ENTREP2: variants seen among roughly 807,000 people sequenced by gnomAD.
ENTREP2 encodes endosomal transmembrane epsin interactor 2, also known as protein ENTREP2.
At chr15:29,452,607 C>T in the ENTREP2 span, 1 of 147,922 alleles carries the variant, frequency 6.8e-6, no homozygotes, top group Non-Finnish European at 1.5e-5. Flanking sequence ...TTAAGAAGAA[C>T]AGACGGGAAT....
At chr15:29,223,226 G>T in the ENTREP2 span, among the ~76,000 whole-genome samples, 1 of 152,158 alleles carries the variant, frequency 6.6e-6, no homozygotes, top group Non-Finnish European at 1.5e-5. Flanking sequence ...TTAAAAAATC[G>T]CAATTCTTAG....
the ENTREP2 span, among the ~76,000 whole-genome samples, chr15:29,168,701 A>G: frequency 3.9e-5 from 6 of 152,196 alleles, no homozygotes; most frequent in Non-Finnish European, 8.8e-5. Flanking sequence ...AAAAATGTCG[A>G]TGGATTTTGG....
the ENTREP2 span, among the ~76,000 whole-genome samples, chr15:29,247,402 C>A: frequency 1.3e-5 from 2 of 152,074 alleles, no homozygotes; most frequent in Admixed American, 6.6e-5. Flanking sequence ...ACATTTAAAA[C>A]CAGGCAAGAA....
At chr15:29,463,146 C>A in the ENTREP2 span, among the ~76,000 whole-genome samples, 1 of 152,070 alleles carries the variant, frequency 6.6e-6, no homozygotes, top group Non-Finnish European at 1.5e-5. Context: ...GATTCCCCTG[C>A]AGAACTTAGG....
the ENTREP2 span, among the ~76,000 whole-genome samples, chr15:29,478,348 C>G: frequency 1.1e-3 from 163 of 151,980 alleles, no homozygotes; most frequent in African/African-American, 3.6e-3. Context: ...TTTCTTCAAC[C>G]CAATACATTA....
At chr15:29,392,834 C>A in the ENTREP2 span, among the ~76,000 whole-genome samples, 1 of 152,148 alleles carries the variant, frequency 6.6e-6, no homozygotes, top group African/African-American at 2.4e-5. Context: ...CTTAGTTTTT[C>A]TTCCACATAT....
the ENTREP2 span, among the ~76,000 whole-genome samples, chr15:29,531,521 G>C: frequency 2.0e-5 from 3 of 152,274 alleles, no homozygotes; most frequent in East Asian, 5.8e-4. Context: ...CAACCATGGG[G>C]ACGGAAGGCA....
the ENTREP2 span, chr15:29,268,747 T>G: frequency 4.5e-5 from 69 of 1,548,446 alleles, no homozygotes; most frequent in Non-Finnish European, 5.8e-5. Flanking sequence ...ACTGTGCCTT[T>G]GGGTCTCAGA....
the ENTREP2 span, chr15:29,234,410 T>A: frequency 6.5e-7 from 1 of 1,529,786 alleles, no homozygotes; most frequent in Non-Finnish European, 9.1e-7. Context: ...AGCAATAAAA[T>A]GGGCAACCAT....
At chr15:29,381,418 T>C in the ENTREP2 span, among the ~76,000 whole-genome samples, 34 of 132,212 alleles carry the variant, frequency 2.6e-4, no homozygotes, top group African/African-American at 9.4e-4. Context: ...ATCATGCCAT[T>C]GCACTCCAGG....
chr15:29,252,165 C>T, the ENTREP2 span, among the ~76,000 whole-genome samples: 1 of 152,114 alleles, frequency 6.6e-6, no homozygotes, highest in South Asian at 2.1e-4. Flanking sequence ...TTTAATTGTT[C>T]TACTTATAAA....
the ENTREP2 span, among the ~76,000 whole-genome samples, chr15:29,226,267 CT>C: frequency 6.6e-6 from 1 of 152,126 alleles, no homozygotes; most frequent in Non-Finnish European, 1.5e-5. Context: ...GGAATGTTTA[CT>C]TTGCTAGGAA....
chr15:29,367,159 A>G, the ENTREP2 span, among the ~76,000 whole-genome samples: 1 of 152,226 alleles, frequency 6.6e-6, no homozygotes, highest in Non-Finnish European at 1.5e-5. Flanking sequence ...TAAGAACAGT[A>G]GGATTTGGGG....
At chr15:29,443,631 T>C in the ENTREP2 span, among the ~76,000 whole-genome samples, 1 of 152,006 alleles carries the variant, frequency 6.6e-6, no homozygotes, top group Admixed American at 6.5e-5. Context: ...TTGCCAAGGT[T>C]GGGATGTACC....
the ENTREP2 span, among the ~76,000 whole-genome samples, chr15:29,498,435 C>G: frequency 6.6e-6 from 1 of 152,050 alleles, no homozygotes; most frequent in Non-Finnish European, 1.5e-5. Context: ...TTGTAATTTT[C>G]CCAATTCCCT....
chr15:29,467,269 A>T, the ENTREP2 span, among the ~76,000 whole-genome samples: 1 of 152,144 alleles, frequency 6.6e-6, no homozygotes, highest in Non-Finnish European at 1.5e-5. Flanking sequence ...TGGACAAGAA[A>T]GGAAGCCATG....
At chr15:29,295,754 G>A in the ENTREP2 span, among the ~76,000 whole-genome samples, 2 of 152,174 alleles carry the variant, frequency 1.3e-5, no homozygotes, top group African/African-American at 4.8e-5. Context: ...GCCACGTGGG[G>A]AGTGTGGACA....
the ENTREP2 span, among the ~76,000 whole-genome samples, chr15:29,355,106 GA>G: frequency 1.3e-5 from 2 of 152,140 alleles, no homozygotes; most frequent in African/African-American, 4.8e-5. Flanking sequence ...GTCTCAGGGT[GA>G]ATCCTACGAA....
At chr15:29,135,994 C>G in the ENTREP2 span, among the ~76,000 whole-genome samples, 1 of 152,172 alleles carries the variant, frequency 6.6e-6, no homozygotes, top group Non-Finnish European at 1.5e-5. The surrounding 1 kb of genome is among the most constrained non-coding windows in gnomAD (Gnocchi z 7.4). Flanking sequence ...GGATCCCAGA[C>G]CACCTACCAG....
Sources: gnomAD v4.1 joint callset for allele counts (sites outside exome capture counted in the v4.1 genomes callset) on GRCh38, gnomAD v4.1.1 for gene constraint, Gnocchi (gnomAD v3.1) non-coding constraint, MANE v1.5 for transcripts, NCBI Gene and HGNC (gene_info 2026-07-23, HGNC 2026-07-21) for gene names.